The following NBPF11 variants were observed in gnomAD, a reference collection of about 807,000 sequenced individuals.
NBPF11 encodes the protein NBPF family member NBPF11.
In NBPF11, 72 loss-of-function variants were observed where a neutral mutation model predicts 93.9. The observed-to-expected ratio is 0.77, with a 90% confidence interval of 0.63 to 0.93. The LOEUF (loss-of-function observed/expected upper bound fraction) is 0.93. Among genes scored for constraint, NBPF11 ranks in the 40% least tolerant of loss-of-function variants. The pLI, the probability that NBPF11 is intolerant of heterozygous loss-of-function variation, is 0.00. For synonymous variants in NBPF11, 224 were observed against 304.9 expected (o/e 0.73, Z 2.76); for missense variants, 705 against 802.2 (o/e 0.88, Z 1.46).
intron 1 of NBPF11, among the ~76,000 whole-genome samples, chr1:148,147,488 C>G (rs1382586883): frequency 6.6e-6 from 1 of 152,056 alleles, no homozygotes; most frequent in Non-Finnish European, 1.5e-5. Context: ...CAGCCCTGTG[C>G]TTGCCTGGGC....
At chr1:148,150,364 G>A (rs1422493298) in intron 1 of NBPF11, among the ~76,000 whole-genome samples, 7 of 150,536 alleles carry the variant, frequency 4.7e-5, no homozygotes, top group South Asian at 4.2e-4. Context: ...TTGGCCTCCC[G>A]AAATGCTGGA....
intron 15 of NBPF11, 148 bp downstream of exon 15, chr1:148,114,289 A>T: frequency 1.4e-6 from 1 of 735,914 alleles, no homozygotes; most frequent in South Asian, 1.5e-5. Flanking sequence ...CACAAGTGCC[A>T]CAAATGACAT....
chr1:148,141,795 A>AGAG, intron 2 of NBPF11, among the ~76,000 whole-genome samples: 2 of 151,972 alleles, frequency 1.3e-5, no homozygotes, highest in South Asian at 4.1e-4. Context: ...CCCACAAATC[A>AGAG]GAGGAGGAGG....
chr1:148,105,726 AC>A, intron 21 of NBPF11, among the ~76,000 whole-genome samples, 198 bp from the exon 22 acceptor site: 1 of 96,442 alleles, frequency 1.0e-5, no homozygotes, highest in Non-Finnish European at 1.8e-5. Context: ...AGACAGACAC[AC>A]ACACACACAC....
In NBPF11 at chr1:148,152,279, T is replaced by C. The variant is rs1362107420; in HGVS notation, c.-1078A>G. Reference sequence around the variant, plus strand: ...CCCGGAGCTACCCCGCGTTTAGGACTGCAGGCTTCGCGCTGCCGCACCGCC... The same window carrying C: ...CCCGGAGCTACCCCGCGTTTAGGACCGCAGGCTTCGCGCTGCCGCACCGCC... On this transcript the variant is annotated 5_prime_UTR_variant, in exon 1 of 24. Coordinates refer to ENST00000682118, the MANE Select transcript of NBPF11 (RefSeq NM_001385469.3). 5 of 152,112 alleles carry C rather than the reference T, an allele frequency of 3.3e-5. No homozygotes were observed. The highest frequency in any genetic ancestry group is 2.6e-4 in the Admixed American group (4 of 15,292). 9.4% of individuals were successfully genotyped at this position (152,112 alleles called of 1,614,324 possible). A position where few individuals can be genotyped will look rare whatever the true frequency, so the allele number is the denominator to read the frequency against.
At position 148,105,471 on chromosome 1, in the gene NBPF11, A is replaced by T; in HGVS notation, c.2361T>A (p.Asp787Glu). The stretch of plus-strand genomic sequence containing the variant: ...AGACAACTGGAAGGAGTTGAATAAC[A>T]TCCAGTGAGTCCTGCAAGACTTCAG... Reference protein sequence around the residue: ...VEPEVLQDSLDVIQLLPVVLN... With the variant: ...VEPEVLQDSLEVIQLLPVVLN... Residue 787 changes from aspartate (D) to glutamate (E), a missense_variant, in exon 22 of 24, where the codon GAT becomes GAA. This residue lies in a region of NBPF11 where 109 missense variants were observed against 83.3 expected (regional missense o/e 1.31). Coordinates refer to ENST00000682118, the MANE Select transcript of NBPF11 (RefSeq NM_001385469.3). 2 of 1,121,776 alleles carry T rather than the reference A, an allele frequency of 1.8e-6. No individual in the cohort carries two copies. The highest frequency in any genetic ancestry group is 2.6e-6 in the Non-Finnish European group (2 of 776,418). The allele number at this position is 1,121,776 out of a possible 1,614,324, so 69.5% of individuals were successfully genotyped here.
intron 1 of NBPF11, 126 bp downstream of exon 1, chr1:148,151,624 T>C (rs1414616506): frequency 5.3e-5 from 8 of 152,170 alleles, no homozygotes; most frequent in African/African-American, 1.9e-4. Flanking sequence ...AGCCCGGCAG[T>C]GCCCGGCGCA....
intron 1 of NBPF11, chr1:148,146,424 C>A (rs1266053048): frequency 1.9e-6 from 3 of 1,603,458 alleles, no homozygotes; most frequent in East Asian, 2.2e-5. Flanking sequence ...GTGAGCTCTG[C>A]TGCCTCTTCT....
rs1402337351 is a variant in NBPF11 at position 148,103,715 on chromosome 1, C to G, written c.*181G>C. 194,438 of 1,343,008 alleles carry G rather than the reference C, an allele frequency of 0.14. 6,837 individuals are homozygous for G. Among genetic ancestry groups the G allele is most frequent in the African/African-American group, 0.28 (16,469 of 59,800 alleles). The allele number at this position is 1,343,008 out of a possible 1,614,324, so 83.2% of individuals were successfully genotyped here. ...CATCTGGAAGACCAGGTGGAGACTT[C>G]TCACCGTCAAAGTAAAAAACCTATT... is the stretch of plus-strand genomic sequence containing the variant. On this transcript the variant is annotated 3_prime_UTR_variant, in exon 24 of 24. Transcript: ENST00000682118.
intron 19 of NBPF11, among the ~76,000 whole-genome samples, chr1:148,107,491 G>A (rs879233002): frequency 2.6e-5 from 4 of 152,136 alleles, no homozygotes; most frequent in African/African-American, 7.2e-5. Flanking sequence ...GTTGCCATAC[G>A]GCCTTTGAGG....
At chr1:148,116,275 A>G (rs1259691556) in intron 13 of NBPF11, among the ~76,000 whole-genome samples, 188 bp downstream of exon 13, 5 of 152,044 alleles carry the variant, frequency 3.3e-5, no homozygotes, top group Admixed American at 3.3e-4. Context: ...CGGTGCAGAC[A>G]TGACACTCGG....
rs1202822452 is a variant in NBPF11 at position 148,132,035 on chromosome 1, T to C, written c.-36+3637A>G. 2.8e-3 allele frequency among the ~76,000 whole-genome samples: 383 copies of C among 136,444 alleles called. 4 individuals are homozygous for C. Among genetic ancestry groups the C allele is most frequent in the South Asian group, 0.02 (79 of 4,048 alleles). 89.5% of individuals were successfully genotyped at this position (136,444 alleles called of 152,430 possible). A position where few individuals can be genotyped will look rare whatever the true frequency, so the allele number is the denominator to read the frequency against. Reference sequence around the variant, plus strand: ...AGTGGAGCATCTTTTCCTATGCTAATTGACCATTCATGTATCTTCTTTTCT... The same window carrying C: ...AGTGGAGCATCTTTTCCTATGCTAACTGACCATTCATGTATCTTCTTTTCT... On this transcript the variant is annotated intron_variant, in intron 4 of 23. Coordinates refer to ENST00000682118, the MANE Select transcript of NBPF11 (RefSeq NM_001385469.3).
Position 148,120,715 on chromosome 1 carries a change from G to A in NBPF11, c.779-5C>T. Reference sequence around the variant, plus strand: ...CAGAAGAGGTGGGGCCAGGGACTGGGGAGAAGAAAGGCAAACATATGATGG... The same window carrying A: ...CAGAAGAGGTGGGGCCAGGGACTGGAGAGAAGAAAGGCAAACATATGATGG... On this transcript the variant is annotated splice_polypyrimidine_tract_variant and splice_region_variant and intron_variant, in intron 9 of 23. Coordinates refer to ENST00000682118, the MANE Select transcript of NBPF11 (RefSeq NM_001385469.3). 9 of 1,489,504 alleles carry A rather than the reference G, an allele frequency of 6.0e-6. No homozygotes were observed. Among genetic ancestry groups the A allele is most frequent in the African/African-American group, 1.4e-5 (1 of 72,282 alleles). The allele number at this position is 1,489,504 out of a possible 1,614,324, so 92.3% of individuals were successfully genotyped here.
chr1:148,120,774 A>T lies in NBPF11; in HGVS notation c.779-64T>A, dbSNP rs1382954032. On this transcript the variant is annotated intron_variant, in intron 9 of 23. Coordinates refer to ENST00000682118, the MANE Select transcript of NBPF11 (RefSeq NM_001385469.3). The stretch of plus-strand genomic sequence containing the variant: ...CTGGTGAAATCAAATAGGCTTAATC[A>T]GGACTGAGGGATGTCACTGGTAGCC... 3.4e-6 allele frequency: 4 copies of T among 1,159,574 alleles called. No homozygotes were observed. In the African/African-American group the frequency reaches 6.1e-5, roughly 18 times the overall value. The allele number at this position is 1,159,574 out of a possible 1,614,324, so 71.8% of individuals were successfully genotyped here.
chr1:148,114,780 A>T (rs1204087021), intron 14 of NBPF11, among the ~76,000 whole-genome samples: 4 of 146,950 alleles, frequency 2.7e-5, no homozygotes, highest in African/African-American at 1.0e-4. Context: ...AAAATTGGTC[A>T]AACAATTTTC....
At chr1:148,142,185 G>A (rs1672305915) in intron 2 of NBPF11, among the ~76,000 whole-genome samples, 1 of 150,706 alleles carries the variant, frequency 6.6e-6, no homozygotes, top group Non-Finnish European at 1.5e-5. Flanking sequence ...AAGGAAGGAA[G>A]GAAATGAACA....
chr1:148,105,721 G>GACACACACACACACACAC (rs781939834), intron 21 of NBPF11, among the ~76,000 whole-genome samples, 193 bp from the exon 22 acceptor site: 3 of 96,016 alleles, frequency 3.1e-5, no homozygotes, highest in African/African-American at 1.7e-4. Context: ...GAGAAAGACA[G>GACACACACACACACACAC]ACACACACAC....
chr1:148,119,792 A>G (rs1385097989), intron 10 of NBPF11, among the ~76,000 whole-genome samples: 4 of 151,816 alleles, frequency 2.6e-5, no homozygotes, highest in Non-Finnish European at 4.4e-5. Flanking sequence ...AGCAGGGGTG[A>G]TTACAGTCAC....
At chr1:148,113,134 GTAAAGGGGCTAAA>G (rs1456813898) in intron 15 of NBPF11, among the ~76,000 whole-genome samples, 1 of 152,008 alleles carries the variant, frequency 6.6e-6, no homozygotes, top group African/African-American at 2.4e-5. Context: ...AACCTTAAAT[GTAAAGGGGCTAAA>G]TGCCCCAGTT....
Sources: allele counts gnomAD v4.1 joint callset (sites outside exome capture counted in the v4.1 genomes callset), GRCh38; gene constraint gnomAD v4.1.1; regional missense constraint gnomAD v4.1.1; transcripts MANE v1.5; gene names NCBI Gene and HGNC (gene_info 2026-07-23, HGNC 2026-07-21).